DOCK7: variants seen among roughly 807,000 people sequenced by gnomAD.
The protein encoded by DOCK7 is dedicator of cytokinesis protein 7.
A neutral mutation model predicts 271.0 loss-of-function variants in DOCK7; 138 were observed. That is an observed-to-expected ratio of 0.51 (90% CI 0.44 to 0.59). The LOEUF is 0.59. DOCK7 is among the 20% of genes least tolerant of loss of function. The pLI, the probability that DOCK7 is intolerant of heterozygous loss-of-function variation, is 0.00. For missense variants in DOCK7, 2,066 were observed against 2,592.4 expected, an observed-to-expected ratio of 0.80 and a Z score of 4.41; for synonymous variants, 823 against 876.1, an observed-to-expected ratio of 0.94 and a Z score of 1.07.
At chr1:62,514,644 G>GATA (rs1204292613) in intron 31 of DOCK7, among the ~76,000 whole-genome samples, 6 of 151,566 alleles carry the variant, frequency 4.0e-5, no homozygotes, top group Non-Finnish European at 7.4e-5. Flanking sequence ...AAATACAGAT[G>GATA]ATAATAATAA....
chr1:62,477,839 G>C lies in DOCK7; in HGVS notation c.5509-14C>G. Reference sequence around the variant, plus strand: ...GCCAAACATCCGCTTACCATCCTAGGTTTAGGAAAATGGAGAAACTTTAAT... The same window carrying C: ...GCCAAACATCCGCTTACCATCCTAGCTTTAGGAAAATGGAGAAACTTTAAT... On this transcript the variant is annotated splice_polypyrimidine_tract_variant and intron_variant, in intron 43 of 49. Transcript: ENST00000635253. The C allele has an allele frequency of 6.3e-7, 1 of 1,580,570 alleles. No individual in the cohort carries two copies. Among genetic ancestry groups the C allele is most frequent in the Non-Finnish European group, 8.6e-7 (1 of 1,166,184 alleles).
At chr1:62,549,765 CTCTT>C (rs1481720377) in intron 22 of DOCK7, among the ~76,000 whole-genome samples, 2 of 152,098 alleles carry the variant, frequency 1.3e-5, no homozygotes, top group Non-Finnish European at 2.9e-5. Flanking sequence ...ATCTTATGCA[CTCTT>C]TCTAATTATT....
At chr1:62,642,317 C>G (rs1656132382) in intron 7 of DOCK7, among the ~76,000 whole-genome samples, 1 of 151,982 alleles carries the variant, frequency 6.6e-6, no homozygotes, top group Admixed American at 6.6e-5. Context: ...CCATGTTGTC[C>G]AGGCTTGAAC....
At chr1:62,533,410 T>C (rs1359296135) in intron 29 of DOCK7, among the ~76,000 whole-genome samples, 1 of 147,310 alleles carries the variant, frequency 6.8e-6, no homozygotes, top group Non-Finnish European at 1.5e-5. Flanking sequence ...TTAGAGTGTT[T>C]TTTCCCCAAA....
chr1:62,464,695 CA>C (rs1170764067), intron 48 of DOCK7, among the ~76,000 whole-genome samples: 1 of 151,184 alleles, frequency 6.6e-6, no homozygotes, highest in Non-Finnish European at 1.5e-5. Context: ...TAAACAAAAA[CA>C]AAAACAAACA....
intron 7 of DOCK7, among the ~76,000 whole-genome samples, 199 bp from the exon 8 acceptor site, chr1:62,636,802 T>C (rs1655332652): frequency 6.6e-6 from 1 of 152,168 alleles, no homozygotes; most frequent in African/African-American, 2.4e-5. Context: ...TCTTCTCTAG[T>C]TAATCCTAAT....
Position 62,622,615 on chromosome 1 carries a change from G to A in DOCK7, c.1426-2622C>T, listed in dbSNP as rs377643859. ...ACTACAGGTATACACCAACATGGCC[G>A]GCTAATATTTTTTATTTTTATAGAA... On this transcript the variant is annotated intron_variant, in intron 12 of 49. Coordinates refer to ENST00000635253, the MANE Select transcript of DOCK7 (RefSeq NM_001367561.1). 1.1e-4 allele frequency among the ~76,000 whole-genome samples: 17 copies of A among 151,974 alleles called. No individual in the cohort carries two copies. In the East Asian group the frequency reaches 2.5e-3, roughly 23 times the overall value.
chr1:62,569,282 C>T (rs1422382977), intron 18 of DOCK7, among the ~76,000 whole-genome samples: 3 of 151,850 alleles, frequency 2.0e-5, no homozygotes, highest in East Asian at 1.9e-4. Context: ...GAAAGAACAA[C>T]GAAAAAAGAA....
intron 31 of DOCK7, among the ~76,000 whole-genome samples, chr1:62,515,153 A>C (rs1409660657): frequency 1.3e-5 from 2 of 151,682 alleles, no homozygotes; most frequent in African/African-American, 4.8e-5. Context: ...AAAAAAAAAA[A>C]CCTGACCACC....
rs534334914 is a variant in DOCK7 at position 62,488,857 on chromosome 1, A to G, written c.5493+77T>C. 3.2e-6 allele frequency: 5 copies of G among 1,563,536 alleles called. No individual in the cohort carries two copies. The African/African-American group carries it at 6.8e-5, about 21-fold the overall frequency. On this transcript the variant is annotated intron_variant, in intron 42 of 49. Transcript: ENST00000635253. ...TGGTCATTTCACGGGATCTAGTTTG[A>G]CATCAGTGCAAAACAACATTAATGC...
At position 62,604,128 on chromosome 1, in the gene DOCK7, C is replaced by G. The variant is rs753754473; in HGVS notation, c.1682+14578G>C. 2.5e-6 allele frequency: 4 copies of G among 1,613,002 alleles called. No homozygotes were observed. Among genetic ancestry groups the G allele is most frequent in the Non-Finnish European group, 3.4e-6 (4 of 1,179,438 alleles). On this transcript the variant is annotated intron_variant, in intron 14 of 49. Coordinates refer to ENST00000635253, the MANE Select transcript of DOCK7 (RefSeq NM_001367561.1). ...ACCAACTATACGCTACATCTAGTTG[C>G]GATTACTGGCAATGTCCCCAATGCA... is the stretch of plus-strand genomic sequence containing the variant.
chr1:62,508,125 G>A, intron 34 of DOCK7, 67 bp from the exon 35 acceptor site: 5 of 1,332,124 alleles, frequency 3.8e-6, no homozygotes, highest in African/African-American at 1.5e-5. Flanking sequence ...AAAGACTTAA[G>A]GATGCATAGA....
At chr1:62,612,080 C>T (rs571470638) in intron 14 of DOCK7, among the ~76,000 whole-genome samples, 7 of 152,000 alleles carry the variant, frequency 4.6e-5, no homozygotes, top group African/African-American at 1.2e-4. Context: ...TGCTTGAACC[C>T]GGGAGGCAGA....
intron 48 of DOCK7, among the ~76,000 whole-genome samples, chr1:62,467,387 T>C (rs182360806): frequency 1.3e-5 from 2 of 152,296 alleles, no homozygotes; most frequent in East Asian, 3.9e-4. Context: ...TTGATGGAGA[T>C]GAATGCTTCT....
chr1:62,470,219 G>A (rs1419413633), intron 48 of DOCK7, among the ~76,000 whole-genome samples: 1 of 152,160 alleles, frequency 6.6e-6, no homozygotes, highest in African/African-American at 2.4e-5. Flanking sequence ...ACATACGATG[G>A]AATATTACTC....
At chr1:62,603,303 T>A (rs1650429021) in intron 14 of DOCK7, among the ~76,000 whole-genome samples, 1 of 151,730 alleles carries the variant, frequency 6.6e-6, no homozygotes, top group South Asian at 2.1e-4. Context: ...ATAGTGAATG[T>A]TTAATGAAAA....
At chr1:62,460,399 C>T (rs946443374) in intron 48 of DOCK7, among the ~76,000 whole-genome samples, 24 of 151,746 alleles carry the variant, frequency 1.6e-4, no homozygotes, top group Non-Finnish European at 2.8e-4. Flanking sequence ...ATTTCCTAAA[C>T]AATACAATAT....
chr1:62,461,677 TAAATAAAATA>T (rs71045843), intron 48 of DOCK7, among the ~76,000 whole-genome samples: 3,212 of 134,948 alleles, frequency 0.024, 135 homozygotes, highest in African/African-American at 0.079. Context: ...TCTCAAAAAA[TAAATAAAATA>T]AAATAAAATA....
At chr1:62,499,604 T>G (rs1159477520) in intron 37 of DOCK7, among the ~76,000 whole-genome samples, 2 of 152,090 alleles carry the variant, frequency 1.3e-5, no homozygotes. Flanking sequence ...GGTGTGATAG[T>G]AGCTCACATC....
Sources: gnomAD v4.1 joint callset for allele counts (sites outside exome capture counted in the v4.1 genomes callset) on GRCh38, gnomAD v4.1.1 for gene constraint, MANE v1.5 for transcripts, NCBI Gene and HGNC (gene_info 2026-07-23, HGNC 2026-07-21) for gene names.